The following ITGBL1 variants were observed in gnomAD, a reference collection of about 807,000 sequenced individuals.
The protein encoded by ITGBL1 is integrin beta-like protein 1.
A neutral mutation model predicts 68.5 loss-of-function variants in ITGBL1; 51 were observed. The observed-to-expected ratio is 0.74, with a 90% CI of 0.59 to 0.94. The LOEUF (loss-of-function observed/expected upper bound fraction) is 0.94, where lower values mean the gene tolerates loss of function less well. Among genes scored for constraint, ITGBL1 ranks in the 40% least tolerant of loss-of-function variants. The pLI is 0.00. For missense variants in ITGBL1, 649 were observed against 647.4 expected (o/e 1.00, Z -0.03); for synonymous variants, 209 against 227.3 (o/e 0.92, Z 0.72).
chr13:101,612,747 G>C (rs2031192305), intron 7 of ITGBL1, among the ~76,000 whole-genome samples: 1 of 152,058 alleles, frequency 6.6e-6, no homozygotes, highest in South Asian at 2.1e-4. Flanking sequence ...ACCACACAAG[G>C]GTATGACAGG....
intron 7 of ITGBL1, among the ~76,000 whole-genome samples, chr13:101,689,458 C>A (rs982087619): frequency 6.6e-6 from 1 of 151,318 alleles, no homozygotes; most frequent in Non-Finnish European, 1.5e-5. Flanking sequence ...AATAAACTTA[C>A]AAAAATTAGC....
chr13:101,696,782 G>T (rs1395769652), intron 8 of ITGBL1, among the ~76,000 whole-genome samples: 1 of 152,114 alleles, frequency 6.6e-6, no homozygotes, highest in Admixed American at 6.6e-5. Context: ...TAGGATAAAG[G>T]TTAGTGCTCA....
At position 101,618,077 on chromosome 13, in the gene ITGBL1, G is replaced by A. The variant is rs1447344493; in HGVS notation, c.1015+19778G>A. ...CTTTAGTGAAATAATTTGGGTTGCT[G>A]CTATTTACCTCTTACATATGCTGCT... On this transcript the variant is annotated intron_variant, in intron 7 of 10. Transcript: ENST00000376180. 2.0e-5 allele frequency among the ~76,000 whole-genome samples: 3 copies of A among 152,152 alleles called. No individual in the cohort carries two copies. The East Asian group carries it at 5.8e-4, about 29-fold the overall frequency.
At chr13:101,521,071 G>T in intron 2 of ITGBL1, among the ~76,000 whole-genome samples, 1 of 152,194 alleles carries the variant, frequency 6.6e-6, no homozygotes, top group Non-Finnish European at 1.5e-5. Context: ...GATAAAAAGT[G>T]CTGGAATGGA....
intron 2 of ITGBL1, among the ~76,000 whole-genome samples, chr13:101,497,878 T>C (rs771572288): frequency 6.6e-6 from 1 of 152,000 alleles, no homozygotes; most frequent in Non-Finnish European, 1.5e-5. Flanking sequence ...TTTTTTACCT[T>C]TTCGGGCCAC....
At chr13:101,460,709 A>C (rs540704489) in intron 2 of ITGBL1, among the ~76,000 whole-genome samples, 24 of 152,302 alleles carry the variant, frequency 1.6e-4, no homozygotes, top group African/African-American at 5.3e-4. Context: ...AGGCACCAGC[A>C]TGTGCTAGGC....
intron 7 of ITGBL1, among the ~76,000 whole-genome samples, chr13:101,675,591 A>G (rs1040404001): frequency 1.3e-5 from 2 of 152,174 alleles, no homozygotes; most frequent in African/African-American, 2.4e-5. Context: ...GGTCACCTTA[A>G]TGATCTCCTT....
chr13:101,715,695 C>A lies in ITGBL1; in HGVS notation c.*41C>A. On this transcript the variant is annotated 3_prime_UTR_variant, in exon 11 of 11. Transcript: ENST00000376180. ...GGTCTGGATTCTTATTTTTTCTGGGCCATTAGAACAGATAAATGCGAAGGA... is the reference window on the plus strand; with the variant it reads ...GGTCTGGATTCTTATTTTTTCTGGGACATTAGAACAGATAAATGCGAAGGA... The A allele has an allele frequency of 7.5e-7, 1 of 1,335,934 alleles. No individual in the cohort carries two copies. The highest frequency in any genetic ancestry group is 1.1e-6 in the Non-Finnish European group (1 of 926,482). 82.8% of individuals were successfully genotyped at this position (1,335,934 alleles called of 1,614,324 possible). A position where few individuals can be genotyped will look rare whatever the true frequency, so the allele number is the denominator to read the frequency against.
chr13:101,532,302 TATTC>T (rs1475863754), intron 2 of ITGBL1, among the ~76,000 whole-genome samples: 1 of 152,176 alleles, frequency 6.6e-6, no homozygotes, highest in Non-Finnish European at 1.5e-5. Flanking sequence ...ACAGAGTAAA[TATTC>T]AGTACATTAT....
chr13:101,514,670 C>G (rs532932160), intron 2 of ITGBL1, among the ~76,000 whole-genome samples: 1 of 152,178 alleles, frequency 6.6e-6, no homozygotes, highest in South Asian at 2.1e-4. Flanking sequence ...AACATCACAT[C>G]TATTTATTGT....
intron 2 of ITGBL1, among the ~76,000 whole-genome samples, chr13:101,500,908 C>G (rs1319797015): frequency 1.3e-5 from 2 of 152,166 alleles, no homozygotes; most frequent in Non-Finnish European, 2.9e-5. Context: ...AACTTGGAAT[C>G]CTATCCCAAC....
chr13:101,707,869 AAAAG>A (rs1289204572), intron 9 of ITGBL1, among the ~76,000 whole-genome samples: 5 of 151,940 alleles, frequency 3.3e-5, no homozygotes, highest in South Asian at 4.2e-4. Flanking sequence ...AAAAAAAAAA[AAAAG>A]GTAATAATTA....
chr13:101,503,795 G>T (rs1253273629), intron 2 of ITGBL1, among the ~76,000 whole-genome samples: 1 of 152,198 alleles, frequency 6.6e-6, no homozygotes, highest in African/African-American at 2.4e-5. Flanking sequence ...TGCTGTTAAG[G>T]ATGATGGACT....
intron 7 of ITGBL1, among the ~76,000 whole-genome samples, chr13:101,658,730 G>A (rs558661463): frequency 2.0e-4 from 31 of 152,218 alleles, no homozygotes; most frequent in African/African-American, 7.2e-4. Context: ...TTGAATGAAA[G>A]ATGCAAATGA....
chr13:101,542,295 G>A (rs1230732266), intron 2 of ITGBL1, among the ~76,000 whole-genome samples: 1 of 152,136 alleles, frequency 6.6e-6, no homozygotes, highest in Non-Finnish European at 1.5e-5. Flanking sequence ...CTTTATTTCT[G>A]CCTTCATTTC....
intron 2 of ITGBL1, among the ~76,000 whole-genome samples, chr13:101,527,754 C>G (rs2049404188): frequency 6.6e-6 from 1 of 151,848 alleles, no homozygotes; most frequent in African/African-American, 2.4e-5. Flanking sequence ...TTAAATTTTA[C>G]TAGTATCAAA....
rs528036591 is a variant in ITGBL1 at position 101,542,591 on chromosome 13, T to G, written c.317-25108T>G. 3.3e-3 allele frequency among the ~76,000 whole-genome samples: 501 copies of G among 152,262 alleles called. 3 individuals carry two copies. Among genetic ancestry groups the G allele is most frequent in the Non-Finnish European group, 4.4e-3 (296 of 68,014 alleles). ...TTAGGTCTGTTTGATGCAGAGCTGA[T>G]TTCAATTCCTGGATATCCTTGTTAA... On this transcript the variant is annotated intron_variant, in intron 2 of 10. Coordinates refer to ENST00000376180, the MANE Select transcript of ITGBL1 (RefSeq NM_004791.3).
rs575555118 is a variant in ITGBL1, at chr13:101,579,437, T to G, written c.727+10T>G. On this transcript the variant is annotated intron_variant, in intron 5 of 10. Coordinates refer to ENST00000376180, the MANE Select transcript of ITGBL1 (RefSeq NM_004791.3). ...ATCTGCAGTAACAGAGGTGTGTCAT[T>G]CATACATGTTACTACATAATGGGGA... The G allele has an allele frequency of 8.1e-6, 13 of 1,613,120 alleles. No individual in the cohort carries two copies. Among genetic ancestry groups the G allele is most frequent in the African/African-American group, 5.3e-5 (4 of 75,012 alleles).
At chr13:101,576,301 C>T (rs553846823) in intron 4 of ITGBL1, among the ~76,000 whole-genome samples, 2 of 152,252 alleles carry the variant, frequency 1.3e-5, no homozygotes, top group Admixed American at 6.5e-5. Flanking sequence ...TCACCACTCA[C>T]GACTGCATCA....
Sources: gnomAD v4.1 joint callset for allele counts (sites outside exome capture counted in the v4.1 genomes callset) on GRCh38, gnomAD v4.1.1 for gene constraint, MANE v1.5 for transcripts, NCBI Gene and HGNC (gene_info 2026-07-23, HGNC 2026-07-21) for gene names.